The following RPS6KC1 variants were observed in gnomAD, a reference collection of about 807,000 sequenced individuals.
The protein encoded by RPS6KC1 is ribosomal protein S6 kinase C1.
RPS6KC1 carries 54 observed loss-of-function variants against 103.8 expected under a neutral mutation model. The ratio of observed to expected loss-of-function variants is 0.52; its 90% CI spans 0.42 to 0.65. The LOEUF is 0.65. Ranked by LOEUF, RPS6KC1 falls within the 30% of genes least tolerant of loss-of-function variation. The pLI is 0.00. For missense variants in RPS6KC1, 1,151 were observed against 1,253.8 expected (o/e 0.92, Z 1.24); for synonymous variants, 439 against 438.7 (o/e 1.00, Z -0.01).
the RPS6KC1 span, chr1:213,546,405 T>C: frequency 6.6e-6 from 1 of 152,152 alleles, no homozygotes; most frequent in East Asian, 1.9e-4. Flanking sequence ...GGGCATTCCA[T>C]GTCCATGGAT....
chr1:213,670,193 G>A, the RPS6KC1 span, among the ~76,000 whole-genome samples: 151 of 152,272 alleles, frequency 9.9e-4, no homozygotes, highest in African/African-American at 3.5e-3. Context: ...GGTGAGAGAG[G>A]CTTCCCATTT....
the RPS6KC1 span, among the ~76,000 whole-genome samples, chr1:213,739,331 T>C: frequency 3.0e-4 from 46 of 152,332 alleles, no homozygotes; most frequent in African/African-American, 1.0e-3. Flanking sequence ...GTTAATCAAC[T>C]GTTTATGTTG....
chr1:213,753,792 T>A, the RPS6KC1 span, among the ~76,000 whole-genome samples: 1,620 of 152,280 alleles, frequency 0.011, 27 homozygotes, highest in African/African-American at 0.035. Flanking sequence ...TATCCAACAC[T>A]AAGCATTCGT....
the RPS6KC1 span, among the ~76,000 whole-genome samples, chr1:213,444,492 G>T: frequency 1.3e-5 from 2 of 152,164 alleles, no homozygotes; most frequent in Non-Finnish European, 2.9e-5. Context: ...TGCCTCAGGT[G>T]CAAAAGCTTT....
At chr1:213,734,649 C>A in the RPS6KC1 span, among the ~76,000 whole-genome samples, 1 of 152,122 alleles carries the variant, frequency 6.6e-6, no homozygotes, top group South Asian at 2.1e-4. Flanking sequence ...TGCTTGTGTA[C>A]CATATTGTGG....
the RPS6KC1 span, among the ~76,000 whole-genome samples, chr1:213,690,759 A>G: frequency 6.6e-6 from 1 of 152,196 alleles, no homozygotes; most frequent in Non-Finnish European, 1.5e-5. Flanking sequence ...AGAATACAGT[A>G]TCTATCACAT....
At chr1:213,429,484 T>C in the RPS6KC1 span, among the ~76,000 whole-genome samples, 59 of 152,300 alleles carry the variant, frequency 3.9e-4, no homozygotes, top group Non-Finnish European at 7.9e-4. Flanking sequence ...ACAATTGTTT[T>C]TGAAATTGCT....
the RPS6KC1 span, among the ~76,000 whole-genome samples, chr1:213,453,092 C>T: frequency 4.6e-5 from 7 of 152,080 alleles, no homozygotes; most frequent in Admixed American, 3.9e-4. Flanking sequence ...CATTTCATCT[C>T]GTGGCCATTT....
At chr1:213,145,618 A>G (rs541827870) in intron 6 of RPS6KC1, among the ~76,000 whole-genome samples, 2 of 152,220 alleles carry the variant, frequency 1.3e-5, no homozygotes, top group East Asian at 1.9e-4. Context: ...AGAAACCTCA[A>G]TCATGTGGCA....
chr1:213,457,465 C>T, the RPS6KC1 span, among the ~76,000 whole-genome samples: 6 of 144,252 alleles, frequency 4.2e-5, no homozygotes, highest in East Asian at 2.2e-4. Flanking sequence ...AGGGACTTTC[C>T]GGGCATCCTC....
intron 6 of RPS6KC1, among the ~76,000 whole-genome samples, chr1:213,136,544 G>T (rs1450712428): frequency 6.6e-6 from 1 of 151,758 alleles, no homozygotes; most frequent in East Asian, 1.9e-4. Flanking sequence ...TTTCTCCCCT[G>T]GCCTTAAAAA....
the RPS6KC1 span, among the ~76,000 whole-genome samples, chr1:213,428,418 C>A: frequency 2.0e-5 from 2 of 101,414 alleles, no homozygotes; most frequent in African/African-American, 6.1e-5. Flanking sequence ...TCCCTCCCTC[C>A]CTTCCTCTCC....
intron 8 of RPS6KC1, among the ~76,000 whole-genome samples, chr1:213,179,602 C>A (rs2148341355): frequency 6.6e-6 from 1 of 152,130 alleles, no homozygotes; most frequent in Admixed American, 6.5e-5. Flanking sequence ...TGATCTAGTC[C>A]TACAGAACAC....
chr1:213,358,285 C>A, the RPS6KC1 span, among the ~76,000 whole-genome samples: 190 of 152,272 alleles, frequency 1.2e-3, no homozygotes, highest in African/African-American at 4.4e-3. Flanking sequence ...GGTTGGTAAG[C>A]TATTAATTAT....
chr1:213,724,561 C>T, the RPS6KC1 span, among the ~76,000 whole-genome samples: 29 of 152,194 alleles, frequency 1.9e-4, no homozygotes, highest in African/African-American at 7.0e-4. Context: ...GGCATTCACC[C>T]GACAGCCTAG....
intron 6 of RPS6KC1, among the ~76,000 whole-genome samples, chr1:213,133,712 G>A (rs2085926462): frequency 6.6e-6 from 1 of 151,788 alleles, no homozygotes; most frequent in Admixed American, 6.6e-5. Context: ...GGTAGATATT[G>A]TGATCCCTGT....
intron 3 of RPS6KC1, among the ~76,000 whole-genome samples, chr1:213,096,845 C>T (rs1447899638): frequency 6.6e-6 from 1 of 151,790 alleles, no homozygotes; most frequent in Non-Finnish European, 1.5e-5. Flanking sequence ...AATAATAAAC[C>T]ATTGTTGGGT....
At chr1:213,105,905 C>T (rs925756366) in intron 4 of RPS6KC1, among the ~76,000 whole-genome samples, 5 of 152,110 alleles carry the variant, frequency 3.3e-5, no homozygotes, top group Non-Finnish European at 7.4e-5. Context: ...TTGTGAAAAG[C>T]TGTCATGCAA....
chr1:213,752,622 G>A, the RPS6KC1 span, among the ~76,000 whole-genome samples: 2 of 151,972 alleles, frequency 1.3e-5, no homozygotes, highest in Non-Finnish European at 2.9e-5. Context: ...ATCCATGGAG[G>A]GAAAAAAAGA....
Sources: allele counts gnomAD v4.1 joint callset (sites outside exome capture counted in the v4.1 genomes callset), GRCh38; gene constraint gnomAD v4.1.1; transcripts MANE v1.5; gene names NCBI Gene and HGNC (gene_info 2026-07-23, HGNC 2026-07-21).